Variants in RGS6 observed in about 807,000 individuals in gnomAD.
The protein encoded by RGS6 is regulator of G-protein signaling 6.
Under a neutral mutation model 78.5 loss-of-function variants are expected in RGS6, and 30 were observed. The ratio of observed to expected loss-of-function variants is 0.38; its 90% CI spans 0.29 to 0.52. The LOEUF (loss-of-function observed/expected upper bound fraction) is 0.52. RGS6 is among the 20% of genes least tolerant of loss of function. The pLI is 0.85. For synonymous variants in RGS6, 206 were observed against 206.0 expected, an observed-to-expected ratio of 1.00 and a Z score of 0.00; for missense variants, 495 against 609.7, an observed-to-expected ratio of 0.81 and a Z score of 1.98.
chr14:72,115,637 G>C lies in RGS6; in HGVS notation c.84+150762G>C, dbSNP rs1350710421. The stretch of plus-strand genomic sequence containing the variant: ...GTGAGCCAGCAGATAACCCACAAAA[G>C]CCTCAACAGCCCCTGGCCCCCCATC... On this transcript the variant is annotated intron_variant, in intron 2 of 17. Coordinates refer to ENST00000553525, the MANE Select transcript of RGS6 (RefSeq NM_001204424.2). Among the ~76,000 whole-genome samples, 6 of 152,082 alleles carry C rather than the reference G, an allele frequency of 3.9e-5. No homozygotes were observed. The East Asian group carries it at 9.6e-4, about 24-fold the overall frequency.
intron 2 of RGS6, among the ~76,000 whole-genome samples, chr14:72,228,278 G>T (rs906409939): frequency 6.6e-6 from 1 of 152,122 alleles, no homozygotes; most frequent in African/African-American, 2.4e-5. Context: ...CTACTTGGGA[G>T]GCTGAGGCAG....
At chr14:72,438,730 C>A (rs2095055061) in intron 3 of RGS6, among the ~76,000 whole-genome samples, 4 of 152,234 alleles carry the variant, frequency 2.6e-5, no homozygotes, top group Admixed American at 2.6e-4. Context: ...CCAAACTGGT[C>A]TCCTTGCTTC....
At chr14:72,089,054 C>A (rs1335626303) in intron 2 of RGS6, among the ~76,000 whole-genome samples, 2 of 152,228 alleles carry the variant, frequency 1.3e-5, no homozygotes, top group African/African-American at 4.8e-5. Flanking sequence ...CTGCATTTAC[C>A]ATTCTCTGAA....
At chr14:72,067,954 A>C (rs943754798) in intron 2 of RGS6, among the ~76,000 whole-genome samples, 37 of 152,244 alleles carry the variant, frequency 2.4e-4, no homozygotes, top group African/African-American at 8.9e-4. Flanking sequence ...ATTTTAATAG[A>C]ATCCCCAGGT....
At chr14:72,139,601 A>C (rs1309575998) in intron 2 of RGS6, among the ~76,000 whole-genome samples, 1 of 152,252 alleles carries the variant, frequency 6.6e-6, no homozygotes, top group Non-Finnish European at 1.5e-5. Flanking sequence ...CTGAGCATTA[A>C]AATATAAGGA....
At chr14:72,170,948 TTTGA>T (rs1381636056) in intron 2 of RGS6, among the ~76,000 whole-genome samples, 1 of 152,212 alleles carries the variant, frequency 6.6e-6, no homozygotes, top group Non-Finnish European at 1.5e-5. Flanking sequence ...GCTGTCTGTG[TTTGA>T]TTGGGCAGAG....
the RGS6 span, among the ~76,000 whole-genome samples, chr14:72,628,257 C>T: frequency 1.3e-5 from 2 of 152,050 alleles, no homozygotes; most frequent in Non-Finnish European, 2.9e-5. Flanking sequence ...TTCTAAGGTA[C>T]AAATACTTTA....
chr14:71,879,901 C>G, the RGS6 span, among the ~76,000 whole-genome samples: 1 of 152,138 alleles, frequency 6.6e-6, no homozygotes, highest in Non-Finnish European at 1.5e-5. Context: ...GAGGTAGGAA[C>G]AGTTTGGAGG....
downstream of RGS6, among the ~76,000 whole-genome samples, chr14:72,569,829 C>T (rs1333526590): frequency 1.3e-5 from 2 of 152,172 alleles, no homozygotes; most frequent in Non-Finnish European, 2.9e-5. Flanking sequence ...TTTGTTCTAT[C>T]CATAAAGAAA....
chr14:71,872,271 G>A, the RGS6 span, among the ~76,000 whole-genome samples: 1 of 152,068 alleles, frequency 6.6e-6, no homozygotes, highest in East Asian at 1.9e-4. Context: ...GGTGACTCAG[G>A]GCTTCCTTCT....
chr14:72,027,106 G>A (rs771806963), intron 2 of RGS6, among the ~76,000 whole-genome samples: 6 of 152,096 alleles, frequency 3.9e-5, no homozygotes, highest in Non-Finnish European at 8.8e-5. Context: ...ATGGGTGGAG[G>A]CTGATCCTTC....
chr14:72,292,748 GTGCAT>G (rs2063839942), intron 2 of RGS6, among the ~76,000 whole-genome samples: 1 of 152,212 alleles, frequency 6.6e-6, no homozygotes, highest in Non-Finnish European at 1.5e-5. Context: ...AAGTGGACCA[GTGCAT>G]CCCCTGGAAG....
In RGS6 at chr14:72,056,023, G is replaced by A. The variant is rs1023156468; in HGVS notation, c.84+91148G>A. Among the ~76,000 whole-genome samples the A allele has an allele frequency of 4.6e-5, 7 of 152,282 alleles. No homozygotes were observed. The East Asian group carries it at 7.7e-4, about 17-fold the overall frequency. ...ATAAGAAACACCTGGGAAGCATTTT[G>A]TTTTGTTTTACAATGCGGATTTTGA... On this transcript the variant is annotated intron_variant, in intron 2 of 17. Coordinates refer to ENST00000553525, the MANE Select transcript of RGS6 (RefSeq NM_001204424.2).
intron 2 of RGS6, among the ~76,000 whole-genome samples, chr14:72,054,704 C>T (rs2072244): frequency 0.58 from 87,480 of 152,006 alleles, 25,640 homozygotes; most frequent in East Asian, 0.8. Flanking sequence ...CTGTAATTCT[C>T]CTTTATCTTA....
chr14:72,106,808 T>A (rs2095642402), intron 2 of RGS6, among the ~76,000 whole-genome samples: 1 of 152,228 alleles, frequency 6.6e-6, no homozygotes, highest in East Asian at 1.9e-4. Flanking sequence ...GGTTGTGTAC[T>A]CATGGTGCAG....
the RGS6 span, among the ~76,000 whole-genome samples, chr14:71,873,376 A>G: frequency 1.3e-5 from 2 of 152,142 alleles, no homozygotes; most frequent in African/African-American, 4.8e-5. Context: ...TTTGATTTGC[A>G]TTTCTCTGAT....
At chr14:72,387,561 A>C (rs2088602692) in intron 3 of RGS6, among the ~76,000 whole-genome samples, 1 of 152,118 alleles carries the variant, frequency 6.6e-6, no homozygotes, top group South Asian at 2.1e-4. Context: ...ACAAAAAAAA[A>C]AAAGGAGAGG....
the RGS6 span, among the ~76,000 whole-genome samples, chr14:71,919,527 A>G: frequency 6.6e-6 from 1 of 152,108 alleles, no homozygotes; most frequent in African/African-American, 2.4e-5. Flanking sequence ...TTAATATTTG[A>G]AATTTCCTAG....
At chr14:72,619,623 C>G in the RGS6 span, among the ~76,000 whole-genome samples, 1 of 152,148 alleles carries the variant, frequency 6.6e-6, no homozygotes, top group South Asian at 2.1e-4. Context: ...TGCGCCAGTT[C>G]TCCTGGAAGC....
Sources: allele counts gnomAD v4.1 joint callset (sites outside exome capture counted in the v4.1 genomes callset), GRCh38; gene constraint gnomAD v4.1.1; transcripts MANE v1.5; gene names NCBI Gene and HGNC (gene_info 2026-07-23, HGNC 2026-07-21).